The following PTPRM variants were observed in gnomAD, a reference collection of about 807,000 sequenced individuals.
The protein encoded by PTPRM is protein tyrosine phosphatase receptor type M.
In PTPRM, 47 loss-of-function variants were observed where a neutral mutation model predicts 186.7. The observed-to-expected ratio is 0.25, with a 90% CI of 0.20 to 0.32. The LOEUF is 0.32. Ranked by LOEUF, PTPRM falls within the 10% of genes least tolerant of loss-of-function variation. The probability of loss-of-function intolerance (pLI) is 1.00; values close to 1 mark genes in which losing one functional copy is unlikely to be tolerated. For synonymous variants in PTPRM, 668 were observed against 674.9 expected (o/e 0.99, Z 0.16); for missense variants, 1,494 against 1,865.0 (o/e 0.80, Z 3.66).
chr18:7,900,871 T>G (rs922899524), intron 3 of PTPRM, among the ~76,000 whole-genome samples: 6 of 152,212 alleles, frequency 3.9e-5, no homozygotes, highest in African/African-American at 1.4e-4. Context: ...AAATTATTCT[T>G]TTTGAAGAAA....
intron 2 of PTPRM, among the ~76,000 whole-genome samples, chr18:7,841,526 CT>C (rs2046325639): frequency 6.6e-6 from 1 of 151,948 alleles, no homozygotes; most frequent in South Asian, 2.1e-4. Flanking sequence ...GATCTCCTGA[CT>C]TCGTGATCCA....
intron 14 of PTPRM, among the ~76,000 whole-genome samples, chr18:8,222,489 C>T (rs1253674310): frequency 6.6e-6 from 1 of 152,178 alleles, no homozygotes. Context: ...CCATCTCTTT[C>T]ATAAGGAAAG....
chr18:7,583,573 G>T (rs1441948445), intron 1 of PTPRM, among the ~76,000 whole-genome samples: 1 of 152,184 alleles, frequency 6.6e-6, no homozygotes, highest in African/African-American at 2.4e-5. Context: ...GAAGTGCAGT[G>T]TACTTACTGC....
At chr18:7,906,452 G>T (rs1296296686) in intron 3 of PTPRM, 53 bp from the exon 4 acceptor site, 2 of 1,396,962 alleles carry the variant, frequency 1.4e-6, no homozygotes, top group African/African-American at 1.4e-5. Context: ...GGAGATACTT[G>T]GTAAAAGTAA....
intron 14 of PTPRM, chr18:8,155,213 C>T (rs185047987): frequency 2.6e-5 from 4 of 152,044 alleles, no homozygotes; most frequent in Non-Finnish European, 5.9e-5. Context: ...AATAATGTAT[C>T]TCAATAACAT....
At chr18:7,859,630 G>C (rs1166062411) in intron 2 of PTPRM, among the ~76,000 whole-genome samples, 1 of 152,222 alleles carries the variant, frequency 6.6e-6, no homozygotes, top group Admixed American at 6.5e-5. Flanking sequence ...CTCCTGTTGG[G>C]GAACTCAGGC....
chr18:7,701,747 T>C (rs2039971729), intron 1 of PTPRM, among the ~76,000 whole-genome samples: 1 of 152,144 alleles, frequency 6.6e-6, no homozygotes, highest in South Asian at 2.1e-4. Context: ...CTAGGGTACA[T>C]GTGCAGAACA....
In PTPRM at chr18:8,085,747, G is replaced by T; in HGVS notation, c.1628G>T (p.Gly543Val). The T allele has an allele frequency of 1.2e-6, 2 of 1,612,500 alleles. No homozygotes were observed. Among genetic ancestry groups the T allele is most frequent in the Non-Finnish European group, 8.5e-7 (1 of 1,178,692 alleles). Residue 543 changes from glycine (G) to valine (V), a missense_variant, in exon 10 of 33, where the codon GGA becomes GTA. Physicochemically the swap from Gly to Val is moderately radical, Grantham distance 109 (BLOSUM62 -3). Transcript: ENST00000580170. ...SNQSGRVSKL[G>V]NETHFLFFGL... ...CAGAGTGGAAGAGTTTCAAAGCTGG[G>T]AAATGAAACCCATTTTCTGTTTTTT...
chr18:8,405,940 C>T (rs2095903842), intron 32 of PTPRM, among the ~76,000 whole-genome samples, 169 bp from the exon 33 acceptor site: 1 of 152,192 alleles, frequency 6.6e-6, no homozygotes, highest in South Asian at 2.1e-4. Context: ...GGAGCATCTC[C>T]AAACAGTGAA....
At chr18:7,654,525 G>T (rs920386391) in intron 1 of PTPRM, among the ~76,000 whole-genome samples, 1 of 152,108 alleles carries the variant, frequency 6.6e-6, no homozygotes, top group Non-Finnish European at 1.5e-5. Flanking sequence ...TGAAATCTTT[G>T]CCTTTTCCTA....
At chr18:7,842,951 G>T (rs5006459) in intron 2 of PTPRM, among the ~76,000 whole-genome samples, 13,574 of 82,000 alleles carry the variant, frequency 0.17, 818 homozygotes, top group African/African-American at 0.18. Context: ...TATATATAGA[G>T]AGAGAGAGAG....
At chr18:8,106,231 C>T (rs1332655494) in intron 11 of PTPRM, among the ~76,000 whole-genome samples, 1 of 152,144 alleles carries the variant, frequency 6.6e-6, no homozygotes, top group Non-Finnish European at 1.5e-5. Context: ...GGACCCAGCT[C>T]ATTGTCTTCC....
chr18:8,025,235 T>A (rs1042032382), intron 7 of PTPRM, among the ~76,000 whole-genome samples: 5 of 152,198 alleles, frequency 3.3e-5, no homozygotes, highest in African/African-American at 1.2e-4. Flanking sequence ...CTGGTTTCTC[T>A]CCACTTAGAC....
intron 5 of PTPRM, among the ~76,000 whole-genome samples, chr18:7,929,387 T>C (rs994407225): frequency 2.0e-5 from 3 of 152,174 alleles, no homozygotes; most frequent in African/African-American, 4.8e-5. Flanking sequence ...GCTGAGTCTT[T>C]TCTGACCCCT....
chr18:8,301,892 A>C (rs1212667414), intron 20 of PTPRM, among the ~76,000 whole-genome samples: 2 of 152,218 alleles, frequency 1.3e-5, no homozygotes, highest in African/African-American at 4.8e-5. Flanking sequence ...AGGGGATGAG[A>C]TGCCAACCAG....
intron 29 of PTPRM, 73 bp downstream of exon 29, chr18:8,380,500 C>T: frequency 2.5e-6 from 4 of 1,572,224 alleles, no homozygotes; most frequent in Admixed American, 1.7e-5. Context: ...AGTTTGTTTG[C>T]ACCCGAGAAG....
chr18:7,934,382 A>C (rs774178994), intron 5 of PTPRM, among the ~76,000 whole-genome samples: 5 of 152,174 alleles, frequency 3.3e-5, no homozygotes, highest in African/African-American at 1.2e-4. Flanking sequence ...CAATCGTGAA[A>C]AAAGTATGTT....
intron 15 of PTPRM, 75 bp downstream of exon 15, chr18:8,244,284 CAAA>C: frequency 2.9e-5 from 31 of 1,087,198 alleles, no homozygotes; most frequent in South Asian, 1.2e-4. Flanking sequence ...TAGGGGATTT[CAAA>C]AAAAAAAAAA....
chr18:8,226,405 C>G (rs1288282745), intron 14 of PTPRM, among the ~76,000 whole-genome samples: 1 of 152,124 alleles, frequency 6.6e-6, no homozygotes, highest in Non-Finnish European at 1.5e-5. Flanking sequence ...GCTAGTTCAT[C>G]TTGAGATCTA....
Sources: gnomAD v4.1 joint callset for allele counts (sites outside exome capture counted in the v4.1 genomes callset) on GRCh38, gnomAD v4.1.1 for gene constraint, MANE v1.5 for transcripts, NCBI Gene and HGNC (gene_info 2026-07-23, HGNC 2026-07-21) for gene names.